The following RIT2 variants were observed in gnomAD, a reference collection of about 807,000 sequenced individuals.
RIT2 encodes Ras like without CAAX 2, also known as GTP-binding protein Rit2.
A neutral mutation model predicts 23.7 loss-of-function variants in RIT2; 24 were observed. That is an observed-to-expected ratio of 1.01 (90% confidence interval 0.73 to 1.43). The LOEUF is 1.43. RIT2 is among the 40% of genes most tolerant of loss of function. The pLI, the probability that RIT2 is intolerant of heterozygous loss-of-function variation, is 0.00. For synonymous variants in RIT2, 107 were observed against 91.1 expected (o/e 1.17, Z -0.99); for missense variants, 236 against 266.9 (o/e 0.88, Z 0.81).
At chr18:43,080,199 T>A (rs1913123738) in intron 1 of RIT2, among the ~76,000 whole-genome samples, 1 of 152,228 alleles carries the variant, frequency 6.6e-6, no homozygotes, top group South Asian at 2.1e-4. Flanking sequence ...TGTTAGAGAA[T>A]GTATGCACAT....
chr18:42,752,181 C>T (rs950697083), intron 4 of RIT2, among the ~76,000 whole-genome samples: 3 of 152,046 alleles, frequency 2.0e-5, no homozygotes, highest in Non-Finnish European at 4.4e-5. Flanking sequence ...TTTAGGACCA[C>T]AGCAGTCCAC....
At chr18:43,069,305 T>G (rs963375584) in intron 1 of RIT2, among the ~76,000 whole-genome samples, 1 of 152,094 alleles carries the variant, frequency 6.6e-6, no homozygotes, top group Non-Finnish European at 1.5e-5. Flanking sequence ...ATGGAGTAGC[T>G]ATTCTTTCAC....
intron 2 of RIT2, among the ~76,000 whole-genome samples, chr18:42,990,881 A>C (rs1910826410): frequency 6.6e-6 from 1 of 151,606 alleles, no homozygotes; most frequent in South Asian, 2.1e-4. Flanking sequence ...TTAGACACCA[A>C]AAGCTGCTCC....
intron 3 of RIT2, among the ~76,000 whole-genome samples, chr18:42,942,890 T>C (rs778026021): frequency 6.6e-6 from 1 of 152,140 alleles, no homozygotes; most frequent in Non-Finnish European, 1.5e-5. Flanking sequence ...AAGCCTGCCA[T>C]GTTGGTGATT....
At chr18:43,103,038 T>A (rs772265016) in intron 1 of RIT2, among the ~76,000 whole-genome samples, 1 of 152,208 alleles carries the variant, frequency 6.6e-6, no homozygotes, top group Non-Finnish European at 1.5e-5. Context: ...TTTGTGTTTC[T>A]GAACATCCTA....
At chr18:42,968,721 G>A (rs972405368) in intron 3 of RIT2, among the ~76,000 whole-genome samples, 13 of 152,108 alleles carry the variant, frequency 8.5e-5, no homozygotes, top group African/African-American at 2.9e-4. Flanking sequence ...TTCAGGTTAA[G>A]CCTTATTTCT....
chr18:43,010,442 T>C (rs897077390), intron 2 of RIT2, among the ~76,000 whole-genome samples: 3 of 151,858 alleles, frequency 2.0e-5, no homozygotes, highest in African/African-American at 7.2e-5. Context: ...TTAAGCTCTG[T>C]TCTTCACACC....
At chr18:43,105,501 G>GGAGGAAGGAAGGAAGAAAGA (rs1568083839) in intron 1 of RIT2, among the ~76,000 whole-genome samples, 17 of 150,682 alleles carry the variant, frequency 1.1e-4, no homozygotes, top group African/African-American at 4.2e-4. Flanking sequence ...AGGAAGAAAG[G>GGAGGAAGGAAGGAAGAAAGA]GAGGGAGGGA....
chr18:42,766,193 G>A (rs1318882618), intron 4 of RIT2, among the ~76,000 whole-genome samples: 7 of 152,198 alleles, frequency 4.6e-5, no homozygotes, highest in Non-Finnish European at 8.8e-5. Flanking sequence ...GGTTGGAATA[G>A]TTTGAAGCGC....
chr18:43,024,876 T>C (rs1911675948), intron 2 of RIT2, among the ~76,000 whole-genome samples: 1 of 151,518 alleles, frequency 6.6e-6, no homozygotes, highest in South Asian at 2.1e-4. Flanking sequence ...ATTAGAACAA[T>C]GAGAAATCAT....
chr18:42,993,126 C>A (rs1362643469), intron 2 of RIT2, among the ~76,000 whole-genome samples: 2 of 152,202 alleles, frequency 1.3e-5, no homozygotes, highest in Admixed American at 1.3e-4. Flanking sequence ...TCCTCCAGAA[C>A]CTCCTCCCCC....
chr18:42,776,051 G>A (rs1350566795), intron 4 of RIT2, among the ~76,000 whole-genome samples: 2 of 152,148 alleles, frequency 1.3e-5, no homozygotes, highest in Non-Finnish European at 2.9e-5. Flanking sequence ...GATAAAAGTT[G>A]GCAGCTGCAA....
intron 1 of RIT2, among the ~76,000 whole-genome samples, chr18:43,037,146 C>T (rs1199224797): frequency 2.6e-5 from 4 of 152,162 alleles, no homozygotes; most frequent in African/African-American, 9.7e-5. Flanking sequence ...CTATCTTTTA[C>T]TCCCAAAACA....
intron 2 of RIT2, among the ~76,000 whole-genome samples, chr18:42,983,600 A>G (rs1380086776): frequency 6.6e-6 from 1 of 152,054 alleles, no homozygotes. Flanking sequence ...AAAATCACAT[A>G]TTTGACAAAA....
At chr18:43,073,014 C>A (rs1196936047) in intron 1 of RIT2, among the ~76,000 whole-genome samples, 1 of 152,140 alleles carries the variant, frequency 6.6e-6, no homozygotes, top group African/African-American at 2.4e-5. Flanking sequence ...CAACGGATCC[C>A]ATGTGTCTGA....
At chr18:42,758,056 A>G (rs536931605) in intron 4 of RIT2, among the ~76,000 whole-genome samples, 1 of 149,688 alleles carries the variant, frequency 6.7e-6, no homozygotes, top group African/African-American at 2.5e-5. Flanking sequence ...CCTTTTTCCT[A>G]TATTTTTAGT....
chr18:42,825,136 A>G (rs929051302), intron 4 of RIT2, among the ~76,000 whole-genome samples: 1 of 151,894 alleles, frequency 6.6e-6, no homozygotes, highest in African/African-American at 2.4e-5. Flanking sequence ...TGGTCACCTC[A>G]GGTTTGTAAG....
At chr18:42,968,332 G>A (rs1910286193) in intron 3 of RIT2, among the ~76,000 whole-genome samples, 1 of 152,144 alleles carries the variant, frequency 6.6e-6, no homozygotes, top group Non-Finnish European at 1.5e-5. Flanking sequence ...GAATTAACAA[G>A]CATTAATTGC....
intron 1 of RIT2, among the ~76,000 whole-genome samples, chr18:43,109,880 G>A (rs1913913465): frequency 6.6e-6 from 1 of 152,160 alleles, no homozygotes. Flanking sequence ...CTAGGGACCA[G>A]AGAAGGACAT....
Sources: allele counts gnomAD v4.1 joint callset (sites outside exome capture counted in the v4.1 genomes callset), GRCh38; gene constraint gnomAD v4.1.1; transcripts MANE v1.5; gene names NCBI Gene and HGNC (gene_info 2026-07-23, HGNC 2026-07-21).